GRM7: variants seen among roughly 807,000 people sequenced by gnomAD.
GRM7 encodes the protein metabotropic glutamate receptor 7.
A neutral mutation model predicts 84.5 loss-of-function variants in GRM7; 35 were observed. That is an observed-to-expected ratio of 0.41 (90% confidence interval 0.32 to 0.55). The LOEUF (loss-of-function observed/expected upper bound fraction) is 0.55, where lower values mean the gene tolerates loss of function less well. GRM7 is among the 20% of genes least tolerant of loss of function. The pLI is 0.19. For synonymous variants in GRM7, 487 were observed against 455.1 expected (o/e 1.07, Z -0.89); for missense variants, 1,003 against 1,194.6 (o/e 0.84, Z 2.36).
At chr3:7,713,124 G>GTTTTTTTTTTT (rs5846535) in intron 9 of GRM7, among the ~76,000 whole-genome samples, 6 of 97,120 alleles carry the variant, frequency 6.2e-5, no homozygotes, top group Non-Finnish European at 8.8e-5. Context: ...ATTTTGTTTT[G>GTTTTTTTTTTT]TTTTTTTTTT....
intron 7 of GRM7, among the ~76,000 whole-genome samples, chr3:7,472,027 C>T (rs746314363): frequency 6.6e-6 from 1 of 152,134 alleles, no homozygotes; most frequent in Admixed American, 6.6e-5. Context: ...TGCCCTACCT[C>T]GGAGGTGAGT....
Position 7,461,649 on chromosome 3 carries a change from A to C in GRM7, c.1442A>C (p.Gln481Pro). Residue 481 changes from glutamine (Q) to proline (P), a missense_variant, in exon 7 of 10, where the codon CAG (glutamine) becomes CCG (proline). Around this residue, in one of 2 missense-constraint regions of GRM7, gnomAD observed 910 missense variants for 1,126.0 expected, o/e 0.81. Coordinates refer to ENST00000357716, the MANE Select transcript of GRM7 (RefSeq NM_000844.4). ...GDAPGRYDIF[Q>P]YQTTNTSNPG... ...GCACCTGGGCGTTATGACATCTTTC[A>C]GTACCAGACCACAAACACCAGCAAC... The C allele has an allele frequency of 1.9e-6, 3 of 1,613,264 alleles. No individual in the cohort carries two copies. The highest frequency in any genetic ancestry group is 2.5e-6 in the Non-Finnish European group (3 of 1,179,222).
intron 1 of GRM7, among the ~76,000 whole-genome samples, chr3:7,018,761 G>A (rs951298143): frequency 6.6e-6 from 1 of 152,212 alleles, no homozygotes; most frequent in African/African-American, 2.4e-5. Context: ...TATATATTAG[G>A]CAATGCCAAT....
chr3:6,894,215 G>A (rs570880513), intron 1 of GRM7, among the ~76,000 whole-genome samples: 2 of 152,050 alleles, frequency 1.3e-5, no homozygotes, highest in Non-Finnish European at 2.9e-5. Context: ...GTTACATTGA[G>A]ATTAAAATCT....
At chr3:7,444,690 A>G (rs1385410997) in intron 5 of GRM7, among the ~76,000 whole-genome samples, 1 of 152,124 alleles carries the variant, frequency 6.6e-6, no homozygotes, top group East Asian at 1.9e-4. Context: ...ACCTAAACAT[A>G]TCCCCACCAT....
chr3:7,425,934 G>A (rs756627949), intron 5 of GRM7, among the ~76,000 whole-genome samples: 8 of 152,042 alleles, frequency 5.3e-5, no homozygotes, highest in African/African-American at 1.2e-4. Context: ...TTCCAGCACC[G>A]AGTATATATC....
chr3:6,971,785 A>T lies in GRM7; in HGVS notation c.519+109878A>T, dbSNP rs568951660. ...GATAATGTGGGTTAAGAAATTCCTTATAGTGATGGAGAAAGTCACATTGAA... is the reference window on the plus strand; with the variant it reads ...GATAATGTGGGTTAAGAAATTCCTTTTAGTGATGGAGAAAGTCACATTGAA... On this transcript the variant is annotated intron_variant, in intron 1 of 9. Coordinates refer to ENST00000357716, the MANE Select transcript of GRM7 (RefSeq NM_000844.4). 3.5e-3 allele frequency among the ~76,000 whole-genome samples: 537 copies of T among 152,300 alleles called. 1 individual carries two copies. The highest frequency in any genetic ancestry group is 0.012 in the African/African-American group (492 of 41,574).
intron 1 of GRM7, among the ~76,000 whole-genome samples, chr3:7,019,631 A>G (rs1194704415): frequency 1.3e-5 from 2 of 152,144 alleles, no homozygotes; most frequent in Non-Finnish European, 2.9e-5. Context: ...TGGTGTAACA[A>G]CTCTGAAATG....
chr3:7,732,411 T>C (rs1199427002), intron 9 of GRM7, among the ~76,000 whole-genome samples: 2 of 152,156 alleles, frequency 1.3e-5, no homozygotes, highest in African/African-American at 2.4e-5. Context: ...GAGGAGGGAA[T>C]AGTAGAGAGG....
intron 2 of GRM7, among the ~76,000 whole-genome samples, chr3:7,199,514 G>A (rs545867011): frequency 3.3e-5 from 5 of 152,346 alleles, no homozygotes; most frequent in African/African-American, 1.2e-4. Context: ...AATCACTGCA[G>A]CAGTTGTCTT....
At chr3:7,339,544 G>C (rs1461307038) in intron 4 of GRM7, among the ~76,000 whole-genome samples, 1 of 152,096 alleles carries the variant, frequency 6.6e-6, no homozygotes, top group African/African-American at 2.4e-5. Flanking sequence ...TTTTGGGGTG[G>C]CCTCCTACGA....
At chr3:7,591,511 C>G in intron 8 of GRM7, 1 of 434,992 alleles carries the variant, frequency 2.3e-6, no homozygotes, top group South Asian at 1.7e-5. Flanking sequence ...ACTTTTCACC[C>G]AGTAGTTCCA....
intron 4 of GRM7, among the ~76,000 whole-genome samples, chr3:7,349,556 A>G (rs1693040930): frequency 6.6e-6 from 1 of 152,160 alleles, no homozygotes; most frequent in African/African-American, 2.4e-5. Context: ...AAAGGGCAAC[A>G]TCCCTGGGTG....
intron 1 of GRM7, among the ~76,000 whole-genome samples, chr3:6,888,256 T>A (rs1169035323): frequency 6.6e-6 from 1 of 152,180 alleles, no homozygotes; most frequent in African/African-American, 2.4e-5. Flanking sequence ...TTTGTCAATT[T>A]TGTCTTTTGT....
intron 1 of GRM7, among the ~76,000 whole-genome samples, chr3:7,119,283 C>G (rs1047333347): frequency 1.3e-5 from 2 of 151,288 alleles, no homozygotes; most frequent in African/African-American, 4.9e-5. Flanking sequence ...TTCTTTTTAC[C>G]TCCCTGGGCC....
At chr3:7,725,360 G>A (rs965553646) in intron 9 of GRM7, among the ~76,000 whole-genome samples, 1 of 152,162 alleles carries the variant, frequency 6.6e-6, no homozygotes, top group African/African-American at 2.4e-5. Context: ...CTCTCCTGTG[G>A]ATACTTTTGG....
chr3:7,161,631 G>A (rs1499141), intron 2 of GRM7, among the ~76,000 whole-genome samples: 93,005 of 151,954 alleles, frequency 0.61, 30,904 homozygotes, highest in African/African-American at 0.89. Flanking sequence ...TATTATAATG[G>A]TTACTATTAC....
chr3:7,015,514 T>C (rs552331377), intron 1 of GRM7, among the ~76,000 whole-genome samples: 1 of 152,226 alleles, frequency 6.6e-6, no homozygotes, highest in Non-Finnish European at 1.5e-5. Context: ...AACAAATTAA[T>C]GCAAAAATTA....
At chr3:6,879,175 C>T in intron 1 of GRM7, among the ~76,000 whole-genome samples, 1 of 148,516 alleles carries the variant, frequency 6.7e-6, no homozygotes, top group African/African-American at 2.5e-5. Context: ...CCCCAATTTA[C>T]AGATAAATTA....
Sources: gnomAD v4.1 joint callset for allele counts (sites outside exome capture counted in the v4.1 genomes callset) on GRCh38, gnomAD v4.1.1 for gene constraint, gnomAD v4.1.1 regional missense constraint, MANE v1.5 for transcripts, NCBI Gene and HGNC (gene_info 2026-07-23, HGNC 2026-07-21) for gene names.